GTF2E1: variants seen among roughly 807,000 people sequenced by gnomAD.
GTF2E1 encodes the protein TFIIE alpha subunit.
In GTF2E1, 14 loss-of-function variants were observed where a neutral mutation model predicts 34.9. The ratio of observed to expected loss-of-function variants is 0.40; its 90% CI spans 0.27 to 0.63. The LOEUF is 0.63. Among genes scored for constraint, GTF2E1 ranks in the 20% least tolerant of loss-of-function variants. The pLI is 0.39. For missense variants in GTF2E1, 469 were observed against 557.7 expected, an observed-to-expected ratio of 0.84 and a Z score of 1.60; for synonymous variants, 188 against 192.9, an observed-to-expected ratio of 0.97 and a Z score of 0.21.
At chr3:120,748,151 C>T (rs947201550) in intron 1 of GTF2E1, among the ~76,000 whole-genome samples, 2 of 152,136 alleles carry the variant, frequency 1.3e-5, no homozygotes, top group African/African-American at 4.8e-5. Flanking sequence ...TGGTTATTAG[C>T]CCTTTGTCAG....
chr3:120,757,765 A>G (rs1223414393), intron 2 of GTF2E1, among the ~76,000 whole-genome samples: 1 of 152,248 alleles, frequency 6.6e-6, no homozygotes, highest in Admixed American at 6.5e-5. Flanking sequence ...GCTTTCAGAA[A>G]AGCCCAGGAA....
intron 1 of GTF2E1, among the ~76,000 whole-genome samples, chr3:120,747,007 G>C (rs1392825775): frequency 6.6e-6 from 1 of 151,998 alleles, no homozygotes; most frequent in East Asian, 1.9e-4. Flanking sequence ...AAGGTGGCTT[G>C]AAATTGTTTA....
At chr3:120,762,542 T>C (rs1351867293) in intron 2 of GTF2E1, among the ~76,000 whole-genome samples, 1 of 152,246 alleles carries the variant, frequency 6.6e-6, no homozygotes, top group Non-Finnish European at 1.5e-5. Context: ...TTAGTAATGC[T>C]TGGTCAACTT....
intron 3 of GTF2E1, among the ~76,000 whole-genome samples, chr3:120,773,486 C>G (rs1327089811): frequency 2.0e-5 from 3 of 152,028 alleles, no homozygotes; most frequent in Non-Finnish European, 2.9e-5. Flanking sequence ...TAGGGGCTAC[C>G]TCTGCAGAAC....
rs1709454965 is a variant in GTF2E1, at chr3:120,782,211, G to A, written c.*741G>A. 1 of 152,124 alleles carries A rather than the reference G, an allele frequency of 6.6e-6. No individual in the cohort carries two copies. Among genetic ancestry groups the A allele is most frequent in the African/African-American group, 2.4e-5 (1 of 41,416 alleles). The allele number at this position is 152,124 out of a possible 1,614,324, so 9.4% of individuals were successfully genotyped here. On this transcript the variant is annotated 3_prime_UTR_variant, in exon 5 of 5. Transcript: ENST00000283875. ...TTGCCAACAGTCAAATCACTGATTG[G>A]GGGAAAAAATCCTGAAATTTTGCTT... is the stretch of plus-strand genomic sequence containing the variant.
intron 3 of GTF2E1, 46 bp from the exon 4 acceptor site, chr3:120,776,377 A>G: frequency 6.4e-7 from 1 of 1,558,850 alleles, no homozygotes; most frequent in Non-Finnish European, 8.7e-7. Context: ...CAACACCAAG[A>G]CATTAATTTT....
At chr3:120,743,445 G>C (rs996730399) in intron 1 of GTF2E1, among the ~76,000 whole-genome samples, 7 of 152,182 alleles carry the variant, frequency 4.6e-5, no homozygotes, top group Non-Finnish European at 7.3e-5. Context: ...GGCAAGATGA[G>C]CCATGTTGGA....
intron 1 of GTF2E1, chr3:120,750,085 T>C (rs907789028): frequency 6.4e-6 from 1 of 157,414 alleles, no homozygotes; most frequent in African/African-American, 2.4e-5. Flanking sequence ...AAAGCATGAC[T>C]ATGTAAAACA....
At chr3:120,752,401 A>G (rs1410778525) in intron 2 of GTF2E1, among the ~76,000 whole-genome samples, 1 of 152,194 alleles carries the variant, frequency 6.6e-6, no homozygotes, top group African/African-American at 2.4e-5. Context: ...GTAATTCTCT[A>G]CAGATGTTGG....
At chr3:120,762,407 G>T (rs1709271979) in intron 2 of GTF2E1, among the ~76,000 whole-genome samples, 1 of 152,114 alleles carries the variant, frequency 6.6e-6, no homozygotes, top group Non-Finnish European at 1.5e-5. Context: ...CCTGTACTGG[G>T]TGCATATATA....
chr3:120,764,823 C>T (rs1709293593), intron 2 of GTF2E1, among the ~76,000 whole-genome samples: 1 of 151,824 alleles, frequency 6.6e-6, no homozygotes, highest in African/African-American at 2.4e-5. Flanking sequence ...TATTTATTCT[C>T]TTGACTGAAT....
chr3:120,776,074 C>G (rs1047813007), intron 3 of GTF2E1, among the ~76,000 whole-genome samples: 2 of 152,136 alleles, frequency 1.3e-5, no homozygotes, highest in African/African-American at 4.8e-5. Flanking sequence ...AGATTTTTGT[C>G]AGACTAGTGG....
At chr3:120,750,273 TATAA>T (rs1709152854) in intron 1 of GTF2E1, among the ~76,000 whole-genome samples, 1 of 152,238 alleles carries the variant, frequency 6.6e-6, no homozygotes, top group East Asian at 1.9e-4. Flanking sequence ...TATATTGTTT[TATAA>T]ATAAAAAGTT....
chr3:120,763,604 G>A (rs1367657093), intron 2 of GTF2E1, among the ~76,000 whole-genome samples: 1 of 152,112 alleles, frequency 6.6e-6, no homozygotes. Flanking sequence ...TTTTAACATG[G>A]AACTGTGAAA....
intron 2 of GTF2E1, among the ~76,000 whole-genome samples, chr3:120,766,071 A>G (rs1344611020): frequency 1.3e-5 from 2 of 152,210 alleles, no homozygotes; most frequent in African/African-American, 2.4e-5. Context: ...TACTTAGTGT[A>G]GAATGGTCTA....
intron 1 of GTF2E1, among the ~76,000 whole-genome samples, chr3:120,747,413 A>T (rs1438403288): frequency 1.3e-5 from 2 of 151,872 alleles, no homozygotes; most frequent in Non-Finnish European, 2.9e-5. Flanking sequence ...CCTCCCCACA[A>T]TAGGCCCCAG....
Position 120,742,790 on chromosome 3 carries a change from C to G in GTF2E1, c.-35C>G. On this transcript the variant is annotated 5_prime_UTR_variant, in exon 1 of 5. Transcript: ENST00000283875. The stretch of plus-strand genomic sequence containing the variant: ...TGTAGTGGGAGTGTTCCAGGATTCG[C>G]CTTGGTAAACCTTGTTCCCTGTTCC... The G allele has an allele frequency of 1.0e-5, 5 of 486,196 alleles. No individual in the cohort carries two copies. The South Asian group carries it at 1.1e-4, about 10-fold the overall frequency. 30.1% of individuals were successfully genotyped at this position (486,196 alleles called of 1,614,324 possible). A position where few individuals can be genotyped will look rare whatever the true frequency, so the allele number is the denominator to read the frequency against.
intron 2 of GTF2E1, among the ~76,000 whole-genome samples, chr3:120,766,313 C>T (rs1709307211): frequency 6.6e-6 from 1 of 152,126 alleles, no homozygotes; most frequent in African/African-American, 2.4e-5. Context: ...GCCACTCAGG[C>T]AGATCAATAT....
chr3:120,777,492 A>G (rs1709411460), intron 4 of GTF2E1, among the ~76,000 whole-genome samples: 1 of 152,176 alleles, frequency 6.6e-6, no homozygotes, highest in Admixed American at 6.5e-5. Context: ...AGTGCCAAAG[A>G]ATAATCAGTA....
Sources: gnomAD v4.1 joint callset for allele counts (sites outside exome capture counted in the v4.1 genomes callset) on GRCh38, gnomAD v4.1.1 for gene constraint, MANE v1.5 for transcripts, NCBI Gene and HGNC (gene_info 2026-07-23, HGNC 2026-07-21) for gene names.